Variants in EYA3 observed in about 807,000 individuals in gnomAD.
The protein encoded by EYA3 is EYA transcriptional coactivator and phosphatase 3.
Under a neutral mutation model 80.0 loss-of-function variants are expected in EYA3, and 39 were observed. That is an observed-to-expected ratio of 0.49 (90% CI 0.38 to 0.64). The LOEUF is 0.64. Among genes scored for constraint, EYA3 ranks in the 30% least tolerant of loss-of-function variants. EYA3 has a pLI of 0.00. For synonymous variants in EYA3, 206 were observed against 232.8 expected (o/e 0.88, Z 1.05); for missense variants, 523 against 676.1 (o/e 0.77, Z 2.51).
chr1:28,026,684 A>G (rs1224305377), intron 7 of EYA3, among the ~76,000 whole-genome samples: 1 of 152,086 alleles, frequency 6.6e-6, no homozygotes, highest in East Asian at 1.9e-4. Context: ...GAAGACAGGC[A>G]AAGCCATTCT....
chr1:27,989,305 T>C (rs537975845), intron 15 of EYA3, among the ~76,000 whole-genome samples: 8 of 152,190 alleles, frequency 5.3e-5, no homozygotes, highest in Non-Finnish European at 1.2e-4. Context: ...GTACCCTTTT[T>C]CTTTTGAATC....
At chr1:28,067,426 A>G (rs997610323) in intron 1 of EYA3, among the ~76,000 whole-genome samples, 22 of 152,358 alleles carry the variant, frequency 1.4e-4, no homozygotes, top group African/African-American at 5.3e-4. Flanking sequence ...CTTACATTTA[A>G]AAGTATAGTA....
chr1:28,017,561 T>A (rs1642154228), intron 7 of EYA3, among the ~76,000 whole-genome samples: 1 of 152,150 alleles, frequency 6.6e-6, no homozygotes, highest in African/African-American at 2.4e-5. Flanking sequence ...CAGCCCATCT[T>A]CTCCAGAGGC....
At chr1:28,029,293 A>G (rs1642973874) in intron 6 of EYA3, among the ~76,000 whole-genome samples, 1 of 152,218 alleles carries the variant, frequency 6.6e-6, no homozygotes, top group Non-Finnish European at 1.5e-5. Context: ...TGCTACATAT[A>G]TTACAGAGAT....
intron 1 of EYA3, among the ~76,000 whole-genome samples, chr1:28,071,584 C>CT (rs2148930652): frequency 6.6e-6 from 1 of 152,222 alleles, no homozygotes; most frequent in South Asian, 2.1e-4. Context: ...TCAACAATTA[C>CT]TTTTTTGCAT....
chr1:28,027,665 C>T, intron 7 of EYA3, 124 bp downstream of exon 7: 1 of 1,239,078 alleles, frequency 8.1e-7, no homozygotes, highest in South Asian at 1.4e-5. Context: ...AGTATCACCC[C>T]CTTTCTACTT....
intron 10 of EYA3, among the ~76,000 whole-genome samples, chr1:28,010,174 C>T (rs982481564): frequency 7.9e-5 from 12 of 151,974 alleles, no homozygotes; most frequent in East Asian, 1.9e-4. Context: ...TATAGAAAAA[C>T]GGAAAACAGA....
At chr1:28,018,921 T>C (rs1025743143) in intron 7 of EYA3, among the ~76,000 whole-genome samples, 3 of 152,168 alleles carry the variant, frequency 2.0e-5, no homozygotes, top group African/African-American at 7.2e-5. Flanking sequence ...ACCCCAGCAC[T>C]TTGGGAGCCT....
intron 1 of EYA3, among the ~76,000 whole-genome samples, chr1:28,081,294 T>TA (rs1645420653): frequency 6.6e-6 from 1 of 152,224 alleles, no homozygotes; most frequent in Non-Finnish European, 1.5e-5. Flanking sequence ...TGTGAAGCTC[T>TA]AGTTCTCACT....
At chr1:28,082,724 T>C (rs963579968) in intron 1 of EYA3, among the ~76,000 whole-genome samples, 7 of 152,204 alleles carry the variant, frequency 4.6e-5, no homozygotes, top group Non-Finnish European at 7.4e-5. Flanking sequence ...GATTTAAGTA[T>C]TTTAAGACTA....
At chr1:27,992,536 C>T (rs138725160) in intron 14 of EYA3, among the ~76,000 whole-genome samples, 10 of 152,274 alleles carry the variant, frequency 6.6e-5, no homozygotes, top group Admixed American at 2.0e-4. Context: ...GTCTGAGGCC[C>T]GGGAATTGGG....
chr1:28,057,402 C>G (rs958147466), intron 2 of EYA3, among the ~76,000 whole-genome samples: 1 of 151,880 alleles, frequency 6.6e-6, no homozygotes, highest in African/African-American at 2.4e-5. Flanking sequence ...AGGAAAAGAC[C>G]CTCTAGCATA....
chr1:28,009,308 T>C lies in EYA3; in HGVS notation c.909+1639A>G, dbSNP rs1365058548. ...ATACATATAATAAAATATTCAGACA[T>C]AAAAAGGAATGAAATTCTGGTATGT... On this transcript the variant is annotated intron_variant, in intron 10 of 17. Transcript: ENST00000373871. This position sits in a 1 kb window ranked among gnomAD's most constrained non-coding sequence, Gnocchi z 4.8. 2.6e-5 allele frequency among the ~76,000 whole-genome samples: 4 copies of C among 151,976 alleles called. No individual in the cohort carries two copies. Among genetic ancestry groups the C allele is most frequent in the Admixed American group, 2.6e-4 (4 of 15,256 alleles).
intron 7 of EYA3, 119 bp downstream of exon 7, chr1:28,027,670 C>T: frequency 7.7e-7 from 1 of 1,303,704 alleles, no homozygotes; most frequent in East Asian, 2.4e-5. Flanking sequence ...CACCCCCTTT[C>T]TACTTTAGAA....
At chr1:27,975,897 C>T (rs1279531686) in intron 17 of EYA3, among the ~76,000 whole-genome samples, 1 of 152,078 alleles carries the variant, frequency 6.6e-6, no homozygotes, top group African/African-American at 2.4e-5. Context: ...ACCTCCACTC[C>T]CAGGTTTAGG....
chr1:27,988,923 A>G (rs1244425785), intron 15 of EYA3, among the ~76,000 whole-genome samples: 2 of 152,170 alleles, frequency 1.3e-5, no homozygotes, highest in Admixed American at 6.5e-5. Flanking sequence ...CCCTCTGACC[A>G]TTCTAGTCAC....
At chr1:28,035,807 GCT>G in intron 5 of EYA3, 127 bp from the exon 6 acceptor site, 1 of 895,318 alleles carries the variant, frequency 1.1e-6, no homozygotes, top group Non-Finnish European at 1.7e-6. Context: ...ACATAAAATG[GCT>G]CTTTTCAAAA....
intron 9 of EYA3, among the ~76,000 whole-genome samples, chr1:28,012,725 G>T (rs1026529673): frequency 6.6e-6 from 1 of 152,124 alleles, no homozygotes; most frequent in Admixed American, 6.6e-5. Context: ...AAGGGATCCT[G>T]GACATAGAAA....
intron 13 of EYA3, among the ~76,000 whole-genome samples, chr1:27,994,745 T>C (rs568233412): frequency 7.9e-5 from 12 of 151,980 alleles, no homozygotes; most frequent in South Asian, 2.1e-4. Flanking sequence ...AATGGGAGGA[T>C]TGCTTGAGGC....
Sources: allele counts gnomAD v4.1 joint callset (sites outside exome capture counted in the v4.1 genomes callset), GRCh38; gene constraint gnomAD v4.1.1; non-coding constraint Gnocchi (gnomAD v3.1); transcripts MANE v1.5; gene names NCBI Gene and HGNC (gene_info 2026-07-23, HGNC 2026-07-21).